Variants in DAB2IP observed in about 807,000 individuals in gnomAD.
DAB2IP encodes disabled homolog 2-interacting protein.
Under a neutral mutation model 107.2 loss-of-function variants are expected in DAB2IP, and 28 were observed. That is an observed-to-expected ratio of 0.26 (90% confidence interval 0.19 to 0.36). The LOEUF is 0.36. Ranked by LOEUF, DAB2IP falls within the 10% of genes least tolerant of loss-of-function variation. The probability of loss-of-function intolerance (pLI) is 1.00; values close to 1 mark genes in which losing one functional copy is unlikely to be tolerated. For missense variants in DAB2IP, 1,400 were observed against 1,644.7 expected, an observed-to-expected ratio of 0.85 and a Z score of 2.57; for synonymous variants, 755 against 706.4, an observed-to-expected ratio of 1.07 and a Z score of -1.09.
chr9:121,642,094 T>TCTTTCTTTCTTTC (rs1220108647), intron 1 of DAB2IP, among the ~76,000 whole-genome samples: 1 of 144,034 alleles, frequency 6.9e-6, no homozygotes. Context: ...TCACTTTCTT[T>TCTTTCTTTCTTTC]TTTTTTGACA....
chr9:121,574,611 A>G (rs1050932079), intron 1 of DAB2IP, among the ~76,000 whole-genome samples: 7 of 152,158 alleles, frequency 4.6e-5, no homozygotes, highest in Admixed American at 1.3e-4. Context: ...CACAGCTCAG[A>G]GGAGAAAATC....
At chr9:121,670,503 G>GT (rs1413185140) in intron 1 of DAB2IP, among the ~76,000 whole-genome samples, 1 of 152,240 alleles carries the variant, frequency 6.6e-6, no homozygotes, top group African/African-American at 2.4e-5. Flanking sequence ...CCAAGTGGTT[G>GT]TAAGACTAAG....
At chr9:121,755,012 G>T (rs937223282) in intron 3 of DAB2IP, among the ~76,000 whole-genome samples, 1 of 152,168 alleles carries the variant, frequency 6.6e-6, no homozygotes, top group Admixed American at 6.5e-5. Flanking sequence ...CTACTATCAG[G>T]CAGGGCGTCT....
chr9:121,754,091 C>T (rs1038767127), intron 3 of DAB2IP, among the ~76,000 whole-genome samples: 2 of 152,182 alleles, frequency 1.3e-5, no homozygotes, highest in African/African-American at 4.8e-5. Context: ...GGGCTGGCTT[C>T]CCAGAGAGGT....
chr9:121,679,761 T>C (rs7875072), intron 2 of DAB2IP, among the ~76,000 whole-genome samples: 28,890 of 151,878 alleles, frequency 0.19, 4,552 homozygotes, highest in African/African-American at 0.43. Flanking sequence ...CTGGAAGTGA[T>C]TGGCTATTCA....
chr9:121,644,384 G>C (rs1432965824), intron 1 of DAB2IP, among the ~76,000 whole-genome samples: 2 of 152,118 alleles, frequency 1.3e-5, no homozygotes, highest in African/African-American at 4.8e-5. Context: ...ATCACCTGAG[G>C]TCAGGCGTTC....
At chr9:121,715,871 T>C (rs1375407749) in intron 3 of DAB2IP, among the ~76,000 whole-genome samples, 1 of 152,212 alleles carries the variant, frequency 6.6e-6, no homozygotes, top group African/African-American at 2.4e-5. Flanking sequence ...AAGGTGCTTG[T>C]GAGTTCTTGT....
chr9:121,678,582 T>C, intron 1 of DAB2IP, 96 bp from the exon 2 acceptor site: 1 of 1,041,632 alleles, frequency 9.6e-7, no homozygotes, highest in African/African-American at 1.7e-5. Context: ...GGGACCGGTT[T>C]GTCTGTTGTC....
chr9:121,691,470 G>T (rs1252369924), intron 2 of DAB2IP, among the ~76,000 whole-genome samples: 1 of 150,282 alleles, frequency 6.7e-6, no homozygotes, highest in Non-Finnish European at 1.5e-5. Flanking sequence ...GCAGTGAGCC[G>T]AGATCGCGCC....
chr9:121,749,810 C>T (rs997295073), intron 3 of DAB2IP, among the ~76,000 whole-genome samples: 5 of 152,176 alleles, frequency 3.3e-5, no homozygotes, highest in South Asian at 2.1e-4. Flanking sequence ...GCATGGAGAA[C>T]GTAAAGCGTT....
chr9:121,591,312 T>C (rs1266003821), intron 1 of DAB2IP, among the ~76,000 whole-genome samples: 1 of 152,128 alleles, frequency 6.6e-6, no homozygotes, highest in Non-Finnish European at 1.5e-5. Context: ...CTACCAAAAA[T>C]ACAAAAATTA....
intron 3 of DAB2IP, among the ~76,000 whole-genome samples, chr9:121,709,783 T>A (rs1383821820): frequency 6.6e-6 from 1 of 152,170 alleles, no homozygotes; most frequent in African/African-American, 2.4e-5. Context: ...CTACCCTCAT[T>A]TTATCCTTCC....
intron 12 of DAB2IP, 65 bp downstream of exon 12, chr9:121,773,560 T>G: frequency 7.3e-7 from 1 of 1,367,816 alleles, no homozygotes; most frequent in East Asian, 2.8e-5. Context: ...TCATACCCCA[T>G]ACCATGCTCC....
intron 3 of DAB2IP, among the ~76,000 whole-genome samples, chr9:121,718,830 A>G (rs1830759828): frequency 6.6e-6 from 1 of 151,894 alleles, no homozygotes; most frequent in African/African-American, 2.4e-5. Context: ...TGTGATTCCT[A>G]CTTTGATCAT....
chr9:121,595,308 C>T (rs1260248081), intron 1 of DAB2IP, among the ~76,000 whole-genome samples: 1 of 151,416 alleles, frequency 6.6e-6, no homozygotes, highest in African/African-American at 2.4e-5. Flanking sequence ...GAAATAAAAC[C>T]AAGCATGAGC....
In DAB2IP at chr9:121,711,993, G is replaced by A. The variant is rs555766705; in HGVS notation, c.362+12535G>A. Among the ~76,000 whole-genome samples the A allele has an allele frequency of 4.6e-5, 7 of 152,358 alleles. No homozygotes were observed. In the East Asian group the frequency reaches 5.8e-4, roughly 13 times the overall value. ...GCCCACAGATTTGCATAATTGCACC[G>A]TCTCCTGAATAATTAATAAAGCTCT... On this transcript the variant is annotated intron_variant, in intron 3 of 15. Coordinates refer to ENST00000408936, the Ensembl canonical transcript of DAB2IP.
intron 3 of DAB2IP, among the ~76,000 whole-genome samples, chr9:121,729,569 C>T (rs773487376): frequency 1.4e-4 from 22 of 152,158 alleles, no homozygotes; most frequent in Admixed American, 4.6e-4. Context: ...TGCTATCAAG[C>T]GGGGTAGGCC....
At chr9:121,738,442 C>T (rs2118883267) in intron 3 of DAB2IP, among the ~76,000 whole-genome samples, 1 of 152,194 alleles carries the variant, frequency 6.6e-6, no homozygotes, top group Non-Finnish European at 1.5e-5. Context: ...TTCTTTCCTG[C>T]TAGAGCAAAG....
At chr9:121,606,286 C>T (rs1830867930) in intron 1 of DAB2IP, among the ~76,000 whole-genome samples, 1 of 152,110 alleles carries the variant, frequency 6.6e-6, no homozygotes, top group African/African-American at 2.4e-5. Context: ...ATTGCTTGAA[C>T]CCAAGAGGTG....
Sources: allele counts gnomAD v4.1 joint callset (sites outside exome capture counted in the v4.1 genomes callset), GRCh38; gene constraint gnomAD v4.1.1; transcripts MANE v1.5; gene names NCBI Gene and HGNC (gene_info 2026-07-23, HGNC 2026-07-21).